Variants in RGS7 observed in about 807,000 individuals in gnomAD.
The protein encoded by RGS7 is regulator of G protein signaling 7, also known as regulator of G-protein signaling 7.
Under a neutral mutation model 81.1 loss-of-function variants are expected in RGS7, and 27 were observed. That is an observed-to-expected ratio of 0.33 (90% CI 0.25 to 0.46). RGS7 has a LOEUF of 0.46. RGS7 is among the 20% of genes least tolerant of loss of function. RGS7 has a pLI of 1.00. For missense variants in RGS7, 396 were observed against 607.4 expected (o/e 0.65, Z 3.66); for synonymous variants, 208 against 207.7 (o/e 1.00, Z -0.01).
intron 2 of RGS7, among the ~76,000 whole-genome samples, chr1:241,312,441 CTG>C (rs1212420647): frequency 1.3e-5 from 2 of 152,156 alleles, no homozygotes; most frequent in Non-Finnish European, 2.9e-5. Context: ...GGTGCTCACT[CTG>C]TGTCTCTGTG....
intron 2 of RGS7, among the ~76,000 whole-genome samples, chr1:241,340,638 G>T (rs2082490193): frequency 6.6e-6 from 1 of 151,930 alleles, no homozygotes; most frequent in Admixed American, 6.6e-5. Flanking sequence ...ACCCAAAAGG[G>T]TCAATTATTG....
intron 6 of RGS7, among the ~76,000 whole-genome samples, chr1:240,924,210 T>G (rs1369441117): frequency 2.0e-5 from 3 of 152,234 alleles, no homozygotes; most frequent in Non-Finnish European, 2.9e-5. Flanking sequence ...GTTGGCCAAC[T>G]AGAATACTTT....
At chr1:241,239,572 C>G (rs1214850292) in intron 2 of RGS7, among the ~76,000 whole-genome samples, 1 of 152,152 alleles carries the variant, frequency 6.6e-6, no homozygotes, top group East Asian at 1.9e-4. Flanking sequence ...GACAAATGAA[C>G]TGTGTCATAC....
chr1:241,082,659 T>C lies in RGS7; in HGVS notation c.175+16007A>G, dbSNP rs2063200889. ...TAAGTTCTAGTATTCAATAGTACAT[T>C]ATCGAAATTACAGTTAACAATAATT... On this transcript the variant is annotated intron_variant, in intron 3 of 18. Transcript: ENST00000440928. Among the ~76,000 whole-genome samples, 4 of 152,306 alleles carry C rather than the reference T, an allele frequency of 2.6e-5. No individual in the cohort carries two copies. The South Asian group carries it at 8.3e-4, about 32-fold the overall frequency.
At chr1:241,346,558 G>A (rs370389730) in intron 2 of RGS7, among the ~76,000 whole-genome samples, 3 of 152,094 alleles carry the variant, frequency 2.0e-5, no homozygotes, top group Non-Finnish European at 2.9e-5. Context: ...ACCAATATTC[G>A]AGGACACCTA....
intron 2 of RGS7, among the ~76,000 whole-genome samples, chr1:241,314,741 G>A (rs755004743): frequency 3.9e-5 from 6 of 152,114 alleles, no homozygotes; most frequent in Admixed American, 6.6e-5. Flanking sequence ...AGCTGTGGTC[G>A]GGCCCAGACA....
chr1:241,178,395 T>C (rs751091335), intron 2 of RGS7, among the ~76,000 whole-genome samples: 44 of 152,134 alleles, frequency 2.9e-4, no homozygotes, highest in Non-Finnish European at 5.4e-4. Context: ...TCGTAAAAAT[T>C]TGGATGCATT....
intron 2 of RGS7, among the ~76,000 whole-genome samples, chr1:241,204,858 C>T (rs1216437776): frequency 6.6e-6 from 1 of 152,016 alleles, no homozygotes; most frequent in Non-Finnish European, 1.5e-5. Flanking sequence ...CATTTGAGCA[C>T]CTCAAAATAC....
At chr1:241,335,419 A>G (rs1189152948) in intron 2 of RGS7, among the ~76,000 whole-genome samples, 1 of 152,204 alleles carries the variant, frequency 6.6e-6, no homozygotes, top group Non-Finnish European at 1.5e-5. Flanking sequence ...ATTTCTATTA[A>G]TTCAACAAGT....
In RGS7 at chr1:241,327,077, G is replaced by GAAGAGAAAGAAAGA. The variant is rs1413926754; in HGVS notation, c.78+28608_78+28621dup. Among the ~76,000 whole-genome samples the GAAGAGAAAGAAAGA allele has an allele frequency of 1.6e-3, 49 of 31,538 alleles. 1 individual carries two copies. The highest frequency in any genetic ancestry group is 6.3e-3 in the African/African-American group (46 of 7,322). 20.7% of individuals were successfully genotyped at this position (31,538 alleles called of 152,430 possible). A position where few individuals can be genotyped will look rare whatever the true frequency, so the allele number is the denominator to read the frequency against. On this transcript the variant is annotated intron_variant, in intron 2 of 18. Transcript: ENST00000440928. ...AGGAAGGAAGAAGGAAGGAAGGAAGGAAGAGAAAGAAAGAAAGAAAGAAAG... is the reference window on the plus strand; with the variant it reads ...AGGAAGGAAGAAGGAAGGAAGGAAGGAAGAGAAAGAAAGAAAGAGAAAGAAAGAAAGAAAGAAAG...
chr1:240,806,819 G>C (rs574201392), intron 14 of RGS7, among the ~76,000 whole-genome samples: 43 of 152,172 alleles, frequency 2.8e-4, no homozygotes, highest in African/African-American at 1.0e-3. Context: ...TCAGCAATGG[G>C]GGCTAGTATG....
intron 2 of RGS7, among the ~76,000 whole-genome samples, chr1:241,240,705 T>A (rs954479337): frequency 2.0e-5 from 3 of 152,188 alleles, no homozygotes; most frequent in African/African-American, 7.2e-5. Flanking sequence ...AACAGTGAAA[T>A]TATTACATCA....
rs532013823 is a variant in RGS7, at chr1:240,992,629, T to A, written c.176-9500A>T. Among the ~76,000 whole-genome samples the A allele has an allele frequency of 2.0e-5, 3 of 152,230 alleles. No homozygotes were observed. In the South Asian group the frequency reaches 6.2e-4, roughly 32 times the overall value. ...TGCTATGTATAGACCAAGGCCCAGA[T>A]TGAAAAGAGTGAATCTTTTTAAAAA... On this transcript the variant is annotated intron_variant, in intron 3 of 18. Coordinates refer to ENST00000440928, the MANE Select transcript of RGS7 (RefSeq NM_001364886.1).
chr1:241,170,455 T>C (rs1285140952), intron 2 of RGS7, among the ~76,000 whole-genome samples: 1 of 152,212 alleles, frequency 6.6e-6, no homozygotes, highest in Admixed American at 6.5e-5. Flanking sequence ...TCAATCATCC[T>C]AAAGAGATAC....
At chr1:241,090,351 A>G (rs922089052) in intron 3 of RGS7, among the ~76,000 whole-genome samples, 7 of 152,106 alleles carry the variant, frequency 4.6e-5, no homozygotes, top group Non-Finnish European at 1.0e-4. Flanking sequence ...GGCATGTGCA[A>G]TTTTTACTGA....
At chr1:240,944,276 GTGTGTGTATA>G (rs1452642076) in intron 4 of RGS7, among the ~76,000 whole-genome samples, 41 of 18,796 alleles carry the variant, frequency 2.2e-3, no homozygotes, top group African/African-American at 6.3e-3. Flanking sequence ...GTGTGTGTGT[GTGTGTGTATA>G]TATATATATA....
intron 9 of RGS7, among the ~76,000 whole-genome samples, chr1:240,858,513 T>A (rs1161290839): frequency 4.6e-5 from 7 of 152,190 alleles, no homozygotes; most frequent in Admixed American, 1.3e-4. Flanking sequence ...TTGCCCTCTG[T>A]GTATGTTTTT....
chr1:240,801,338 G>A, intron 17 of RGS7, 117 bp downstream of exon 17: 1 of 711,502 alleles, frequency 1.4e-6, no homozygotes. Flanking sequence ...TTGAATAAAA[G>A]AAACACTTTT....
At chr1:241,238,375 CCAT>C (rs1360759388) in intron 2 of RGS7, among the ~76,000 whole-genome samples, 1 of 152,146 alleles carries the variant, frequency 6.6e-6, no homozygotes, top group African/African-American at 2.4e-5. Context: ...TTGCAACCCA[CCAT>C]CTGAGTCCTG....
Sources: allele counts gnomAD v4.1 joint callset (sites outside exome capture counted in the v4.1 genomes callset), GRCh38; gene constraint gnomAD v4.1.1; transcripts MANE v1.5; gene names NCBI Gene and HGNC (gene_info 2026-07-23, HGNC 2026-07-21).